Variants in RANBP2 observed in about 807,000 individuals in gnomAD.
RANBP2 encodes RAN binding protein 2.
In RANBP2, 57 loss-of-function variants were observed where a neutral mutation model predicts 303.6. The ratio of observed to expected loss-of-function variants is 0.19; its 90% CI spans 0.15 to 0.23. RANBP2 has a LOEUF of 0.23. Ranked by LOEUF, RANBP2 falls within the 10% of genes least tolerant of loss-of-function variation. The pLI is 1.00. For synonymous variants in RANBP2, 1,167 were observed against 1,301.5 expected (o/e 0.90, Z 2.23); for missense variants, 3,138 against 3,780.8 (o/e 0.83, Z 4.46).
chr2:109,692,362 A>ACG, the RANBP2 span, among the ~76,000 whole-genome samples: 1 of 152,164 alleles, frequency 6.6e-6, no homozygotes, highest in Non-Finnish European at 1.5e-5. Context: ...AAAGTGTTCT[A>ACG]AAGTGGTTAC....
chr2:108,735,478 T>C, intron 4 of RANBP2, 54 bp from the exon 5 acceptor site: 1 of 1,597,306 alleles, frequency 6.3e-7, no homozygotes, highest in South Asian at 1.1e-5. Context: ...GCATGACTTG[T>C]TTAAAATTGC....
At chr2:109,736,531 A>G in the RANBP2 span, among the ~76,000 whole-genome samples, 1 of 152,176 alleles carries the variant, frequency 6.6e-6, no homozygotes, top group Non-Finnish European at 1.5e-5. Context: ...GACTTTTACA[A>G]TCGATTCCCC....
chr2:109,368,517 T>C, the RANBP2 span, among the ~76,000 whole-genome samples: 1 of 152,122 alleles, frequency 6.6e-6, no homozygotes, highest in Admixed American at 6.5e-5. Flanking sequence ...ATGATTTTTA[T>C]GTATTTATCC....
chr2:108,791,979 A>G, the RANBP2 span, among the ~76,000 whole-genome samples: 1 of 152,208 alleles, frequency 6.6e-6, no homozygotes, highest in East Asian at 1.9e-4. Context: ...GAGCAGAGAA[A>G]ATTAAACTTC....
At chr2:108,788,787 C>G (rs2149385319), downstream of RANBP2, 1 of 1,596,820 alleles carries the variant, frequency 6.3e-7, no homozygotes, top group South Asian at 1.1e-5. Context: ...AGACTTATGG[C>G]CAGTGCCAGA....
the RANBP2 span, among the ~76,000 whole-genome samples, chr2:109,299,574 G>A: frequency 6.6e-6 from 1 of 152,124 alleles, no homozygotes; most frequent in African/African-American, 2.4e-5. Context: ...ATCATCATGG[G>A]GTGACATTTC....
chr2:109,765,316 G>T, the RANBP2 span, among the ~76,000 whole-genome samples: 1 of 148,534 alleles, frequency 6.7e-6, no homozygotes, highest in Non-Finnish European at 1.5e-5. Context: ...TGAAACAAGA[G>T]CATCATGAAA....
At chr2:109,570,527 G>T in the RANBP2 span, among the ~76,000 whole-genome samples, 6 of 147,202 alleles carry the variant, frequency 4.1e-5, no homozygotes, top group South Asian at 1.3e-3. Context: ...ATTGTATCAG[G>T]TTTTTTTTTT....
chr2:108,939,159 C>T, the RANBP2 span, among the ~76,000 whole-genome samples: 405 of 152,162 alleles, frequency 2.7e-3, 3 homozygotes, highest in Non-Finnish European at 5.4e-3. Context: ...CTTTAATACA[C>T]ATGCCACTCA....
rs1678181862 is a variant in RANBP2 at position 108,780,555 on chromosome 2, A to C, written c.8600-714A>C. Reference sequence around the variant, plus strand: ...CTTTTTTTTTTTTTTTTAAAGACAGAATCTTGCTCTGTTGCCCAGGCTGGA... The same window carrying C: ...CTTTTTTTTTTTTTTTTAAAGACAGCATCTTGCTCTGTTGCCCAGGCTGGA... On this transcript the variant is annotated intron_variant, in intron 25 of 28. Coordinates refer to ENST00000283195, the MANE Select transcript of RANBP2 (RefSeq NM_006267.5). Among the ~76,000 whole-genome samples the C allele has an allele frequency of 2.8e-5, 4 of 144,740 alleles. No homozygotes were observed. In the South Asian group the frequency reaches 6.6e-4, roughly 24 times the overall value. 95.0% of individuals were successfully genotyped at this position (144,740 alleles called of 152,430 possible). A position where few individuals can be genotyped will look rare whatever the true frequency, so the allele number is the denominator to read the frequency against.
chr2:109,324,015 C>T, the RANBP2 span, among the ~76,000 whole-genome samples: 23 of 152,194 alleles, frequency 1.5e-4, no homozygotes, highest in Non-Finnish European at 2.9e-4. Flanking sequence ...ATTTCTGTCC[C>T]TGTGGATCTT....
chr2:108,884,463 T>G, the RANBP2 span: 1 of 152,204 alleles, frequency 6.6e-6, no homozygotes, highest in Non-Finnish European at 1.5e-5. Flanking sequence ...ACAGTGAATA[T>G]GTTCCCATTC....
chr2:109,727,199 G>A, the RANBP2 span, among the ~76,000 whole-genome samples: 7 of 152,064 alleles, frequency 4.6e-5, no homozygotes, highest in Non-Finnish European at 7.4e-5. Context: ...GTTCTAATAC[G>A]TTAAGAAAAC....
the RANBP2 span, among the ~76,000 whole-genome samples, chr2:109,420,512 C>T: frequency 3.0e-3 from 456 of 152,246 alleles, 7 homozygotes; most frequent in Non-Finnish European, 1.1e-3. Context: ...ATGGCGCGAT[C>T]CCGGCTCACT....
At chr2:108,826,600 C>T in the RANBP2 span, among the ~76,000 whole-genome samples, 2 of 152,144 alleles carry the variant, frequency 1.3e-5, no homozygotes, top group Non-Finnish European at 2.9e-5. Context: ...CAGTTCCATT[C>T]CATTGTTCTA....
intron 8 of RANBP2, 120 bp downstream of exon 8, chr2:108,746,918 C>T (rs1017392811): frequency 4.9e-5 from 52 of 1,053,476 alleles, no homozygotes; most frequent in African/African-American, 4.2e-4. Context: ...TTCTTTTTGC[C>T]GTATCAGTTA....
chr2:108,983,719 C>G, the RANBP2 span, among the ~76,000 whole-genome samples: 2 of 152,178 alleles, frequency 1.3e-5, no homozygotes, highest in Non-Finnish European at 2.9e-5. Flanking sequence ...TGGCTCCGTG[C>G]GGGACGGGGC....
At chr2:108,952,258 T>C in the RANBP2 span, among the ~76,000 whole-genome samples, 2 of 152,122 alleles carry the variant, frequency 1.3e-5, no homozygotes, top group African/African-American at 4.8e-5. Flanking sequence ...ATTGATTTGG[T>C]TTAAATAATG....
At chr2:108,873,594 G>A in the RANBP2 span, 1 of 1,557,196 alleles carries the variant, frequency 6.4e-7, no homozygotes, top group African/African-American at 1.4e-5. Flanking sequence ...AATCAAGTAA[G>A]AATTTCTTAT....
Sources: allele counts gnomAD v4.1 joint callset (sites outside exome capture counted in the v4.1 genomes callset), GRCh38; gene constraint gnomAD v4.1.1; transcripts MANE v1.5; gene names NCBI Gene and HGNC (gene_info 2026-07-23, HGNC 2026-07-21).